BCAS3: variants seen among roughly 807,000 people sequenced by gnomAD.
BCAS3 encodes BCAS3 microtubule associated cell migration factor.
A neutral mutation model predicts 116.1 loss-of-function variants in BCAS3; 53 were observed. That is an observed-to-expected ratio of 0.46 (90% confidence interval 0.37 to 0.57). The LOEUF (loss-of-function observed/expected upper bound fraction) is 0.57. Among genes scored for constraint, BCAS3 ranks in the 20% least tolerant of loss-of-function variants. The pLI is 0.00. For missense variants in BCAS3, 917 were observed against 1,165.4 expected, an observed-to-expected ratio of 0.79 and a Z score of 3.10; for synonymous variants, 391 against 408.2, an observed-to-expected ratio of 0.96 and a Z score of 0.51.
chr17:60,752,466 C>A (rs1356964516), intron 6 of BCAS3, among the ~76,000 whole-genome samples: 1 of 151,420 alleles, frequency 6.6e-6, no homozygotes, highest in Non-Finnish European at 1.5e-5. Flanking sequence ...CTCTGTCGCC[C>A]AGGCTGGAGT....
rs908573658 is a variant in BCAS3, at chr17:61,214,968, T to G, written c.2425+130404T>G. On this transcript the variant is annotated intron_variant, in intron 22 of 23. Coordinates refer to ENST00000407086, the MANE Select transcript of BCAS3 (RefSeq NM_017679.5). The surrounding 1 kb of genome is among the most constrained non-coding windows in gnomAD (Gnocchi z 4.4). ...TTGGTTTACCCTCAAGAAAAAGAAA[T>G]ACAGCCTCTATATACCTCTTACACC... Among the ~76,000 whole-genome samples, 2 of 152,162 alleles carry G rather than the reference T, an allele frequency of 1.3e-5. No homozygotes were observed. Among genetic ancestry groups the G allele is most frequent in the Non-Finnish European group, 2.9e-5 (2 of 68,018 alleles).
intron 6 of BCAS3, among the ~76,000 whole-genome samples, chr17:60,788,314 T>C (rs906875846): frequency 1.3e-5 from 2 of 152,150 alleles, no homozygotes; most frequent in African/African-American, 2.4e-5. Context: ...TTATTTAACC[T>C]CTCAAGATCA....
Position 61,035,419 on chromosome 17 carries a change from C to G in BCAS3, c.1762+629C>G, listed in dbSNP as rs771697022. Among the ~76,000 whole-genome samples the G allele has an allele frequency of 7.2e-4, 109 of 151,976 alleles. 1 individual carries two copies. The highest frequency in any genetic ancestry group is 2.8e-3 in the Admixed American group (43 of 15,280). ...CCAACATGGTGAAACCCCATCTCTA[C>G]TAAAAATACAAAAATTAGCTGGGCG... On this transcript the variant is annotated intron_variant, in intron 17 of 23. Coordinates refer to ENST00000407086, the MANE Select transcript of BCAS3 (RefSeq NM_017679.5).
chr17:61,268,183 A>G (rs746195012), intron 22 of BCAS3, among the ~76,000 whole-genome samples: 2 of 152,122 alleles, frequency 1.3e-5, no homozygotes, highest in Admixed American at 6.6e-5. Context: ...ATTTTCTATT[A>G]GCTAAGGATT....
chr17:60,789,388 C>G (rs1206418273), intron 6 of BCAS3, among the ~76,000 whole-genome samples: 2 of 152,082 alleles, frequency 1.3e-5, no homozygotes, highest in African/African-American at 4.8e-5. Context: ...CAAGGAAACG[C>G]TTTTGAATTT....
At chr17:60,686,805 C>T (rs1234224890) in intron 3 of BCAS3, among the ~76,000 whole-genome samples, 1 of 151,968 alleles carries the variant, frequency 6.6e-6, no homozygotes, top group Non-Finnish European at 1.5e-5. Flanking sequence ...GGATTACAGG[C>T]GTGAGCCACT....
intron 5 of BCAS3, 29 bp downstream of exon 5, chr17:60,709,354 A>T: frequency 7.8e-7 from 1 of 1,273,924 alleles, no homozygotes. Context: ...GAATACCTAA[A>T]ACATACTTCC....
intron 22 of BCAS3, among the ~76,000 whole-genome samples, chr17:61,115,796 G>T (rs1158560060): frequency 1.3e-5 from 2 of 150,182 alleles, no homozygotes; most frequent in Admixed American, 6.6e-5. Flanking sequence ...GCACACGTAT[G>T]TTTATTGCGG....
At chr17:60,786,352 A>C (rs1461165638) in intron 6 of BCAS3, among the ~76,000 whole-genome samples, 1 of 151,952 alleles carries the variant, frequency 6.6e-6, no homozygotes, top group Non-Finnish European at 1.5e-5. Flanking sequence ...TGAAAAAGAA[A>C]GAAAGAAAAA....
chr17:61,070,366 A>AATATATAT lies in BCAS3; in HGVS notation c.2030-4527_2030-4520dup, dbSNP rs55736464. The AATATATAT allele has an allele frequency of 7.8e-3, 2,450 of 313,512 alleles. 230 individuals are homozygous for AATATATAT. The highest frequency in any genetic ancestry group is 0.016 in the African/African-American group (548 of 35,036). The allele number at this position is 313,512 out of a possible 1,614,324, so 19.4% of individuals were successfully genotyped here. On this transcript the variant is annotated intron_variant, in intron 19 of 23. Coordinates refer to ENST00000407086, the MANE Select transcript of BCAS3 (RefSeq NM_017679.5). ...AACTGAGTCCAGCTGCCTAATTCTGAATATATATATATATATATATATATA... is the reference window on the plus strand; with the variant it reads ...AACTGAGTCCAGCTGCCTAATTCTGAATATATATATATATATATATATATATATATATA...
At chr17:61,216,363 G>A (rs556988838) in intron 22 of BCAS3, among the ~76,000 whole-genome samples, 20 of 152,090 alleles carry the variant, frequency 1.3e-4, no homozygotes, top group Non-Finnish European at 2.2e-4. Flanking sequence ...AGGTACTGAA[G>A]GGGAAGCTTT....
intron 14 of BCAS3, among the ~76,000 whole-genome samples, chr17:60,977,026 G>GC (rs911002118): frequency 8.6e-5 from 13 of 151,740 alleles, no homozygotes; most frequent in South Asian, 2.1e-4. Flanking sequence ...GGGCAGAGGC[G>GC]CCCCCCAACC....
rs544512537 is a variant in BCAS3 at position 61,262,590 on chromosome 17, A to G, written c.2426-105737A>G. 2.6e-5 allele frequency among the ~76,000 whole-genome samples: 4 copies of G among 152,220 alleles called. No individual in the cohort carries two copies. In the South Asian group the frequency reaches 8.3e-4, roughly 32 times the overall value. On this transcript the variant is annotated intron_variant, in intron 22 of 23. Coordinates refer to ENST00000407086, the MANE Select transcript of BCAS3 (RefSeq NM_017679.5). The stretch of plus-strand genomic sequence containing the variant: ...GAGGTGAGGTTTCGCCATGTTGACC[A>G]GGCTGGTCTTGAACTCCTGACCTCA...
intron 13 of BCAS3, among the ~76,000 whole-genome samples, chr17:60,933,371 G>A (rs1286652789): frequency 6.6e-6 from 1 of 152,148 alleles, no homozygotes; most frequent in African/African-American, 2.4e-5. Context: ...CTTTTCAGAG[G>A]CATTACTTCT....
intron 14 of BCAS3, among the ~76,000 whole-genome samples, chr17:60,985,009 CAAAAA>C (rs762586066): frequency 2.0e-5 from 1 of 50,368 alleles, no homozygotes. Flanking sequence ...GACTCCATCT[CAAAAA>C]AAAAAAAAAA....
At chr17:60,979,200 C>T (rs1465188286) in intron 14 of BCAS3, among the ~76,000 whole-genome samples, 1 of 151,276 alleles carries the variant, frequency 6.6e-6, no homozygotes, top group Admixed American at 6.6e-5. Flanking sequence ...TTGTAGTTCT[C>T]CTTGAAGAGG....
chr17:60,750,472 A>G (rs1033138800), intron 6 of BCAS3, among the ~76,000 whole-genome samples: 1 of 152,188 alleles, frequency 6.6e-6, no homozygotes, highest in Non-Finnish European at 1.5e-5. Flanking sequence ...AGCCATTACA[A>G]TAAGGCAAGA....
At chr17:60,979,929 T>G (rs2062684451) in intron 14 of BCAS3, among the ~76,000 whole-genome samples, 1 of 151,992 alleles carries the variant, frequency 6.6e-6, no homozygotes, top group African/African-American at 2.4e-5. Flanking sequence ...TGCATCAATG[T>G]TCATCAAGGA....
rs117624405 is a variant in BCAS3 at position 61,324,840 on chromosome 17, A to G, written c.2426-43487A>G. Among the ~76,000 whole-genome samples, 2,933 of 152,092 alleles carry G rather than the reference A, an allele frequency of 0.019. 33 individuals carry two copies. The highest frequency in any genetic ancestry group is 0.03 in the Non-Finnish European group (2,042 of 67,970). On this transcript the variant is annotated intron_variant, in intron 22 of 23. Coordinates refer to ENST00000407086, the MANE Select transcript of BCAS3 (RefSeq NM_017679.5). This position sits in a 1 kb window ranked among gnomAD's most constrained non-coding sequence, Gnocchi z 4.6. ...TCTCTATGAAAAAAAAAAAAAAAGA[A>G]GAAACAAAAAAGAAGATGTAGACTG...
Sources: allele counts gnomAD v4.1 joint callset (sites outside exome capture counted in the v4.1 genomes callset), GRCh38; gene constraint gnomAD v4.1.1; non-coding constraint Gnocchi (gnomAD v3.1); transcripts MANE v1.5; gene names NCBI Gene and HGNC (gene_info 2026-07-23, HGNC 2026-07-21).